The following THRB variants were observed in gnomAD, a reference collection of about 807,000 sequenced individuals.
THRB encodes the protein thyroid hormone receptor beta.
A neutral mutation model predicts 47.8 loss-of-function variants in THRB; 12 were observed. The observed-to-expected ratio is 0.25, with a 90% CI of 0.16 to 0.41. The LOEUF (loss-of-function observed/expected upper bound fraction) is 0.41, where lower values mean the gene tolerates loss of function less well. Ranked by LOEUF, THRB falls within the 10% of genes least tolerant of loss-of-function variation. The pLI is 1.00. For synonymous variants in THRB, 218 were observed against 212.2 expected, an observed-to-expected ratio of 1.03 and a Z score of -0.24; for missense variants, 348 against 589.2, an observed-to-expected ratio of 0.59 and a Z score of 4.24.
intron 1 of THRB, among the ~76,000 whole-genome samples, chr3:24,400,227 A>G (rs2067288021): frequency 6.6e-6 from 1 of 152,136 alleles, no homozygotes; most frequent in African/African-American, 2.4e-5. Context: ...ATACTGAGCT[A>G]GCCAAACACA....
chr3:24,288,754 T>G (rs1296632103), intron 3 of THRB, among the ~76,000 whole-genome samples: 1 of 152,148 alleles, frequency 6.6e-6, no homozygotes, highest in East Asian at 1.9e-4. Flanking sequence ...TGAAATCAAT[T>G]TAGTGGGTAG....
At chr3:24,262,087 G>A (rs2052112134) in intron 3 of THRB, among the ~76,000 whole-genome samples, 1 of 152,044 alleles carries the variant, frequency 6.6e-6, no homozygotes, top group Non-Finnish European at 1.5e-5. Context: ...ATATCTAATT[G>A]TCTACTTTAA....
chr3:24,218,225 G>A (rs1010755536), intron 4 of THRB, among the ~76,000 whole-genome samples: 4 of 151,036 alleles, frequency 2.6e-5, no homozygotes, highest in African/African-American at 4.9e-5. Flanking sequence ...CCGAGATTGC[G>A]CCACTGCACT....
chr3:24,478,666 G>A (rs557922894), intron 1 of THRB, among the ~76,000 whole-genome samples: 15 of 152,250 alleles, frequency 9.9e-5, no homozygotes, highest in Admixed American at 7.8e-4. Context: ...GTAATTTCTG[G>A]GTGGAGTAGA....
chr3:24,325,551 G>A (rs575642835), intron 2 of THRB, among the ~76,000 whole-genome samples: 1 of 152,320 alleles, frequency 6.6e-6, no homozygotes, highest in South Asian at 2.1e-4. Flanking sequence ...GCTGGGTGTG[G>A]TGGTGCCTGC....
At chr3:24,369,225 GA>G (rs2064725219) in intron 1 of THRB, among the ~76,000 whole-genome samples, 1 of 152,148 alleles carries the variant, frequency 6.6e-6, no homozygotes, top group African/African-American at 2.4e-5. Context: ...GGTGGAGACA[GA>G]GGGGGAAACT....
At chr3:24,271,260 G>A (rs977177489) in intron 3 of THRB, among the ~76,000 whole-genome samples, 1 of 152,144 alleles carries the variant, frequency 6.6e-6, no homozygotes, top group Non-Finnish European at 1.5e-5. Flanking sequence ...CTGTATGCAT[G>A]CGGCTTATGA....
At chr3:24,277,662 A>ATT (rs1432448588) in intron 3 of THRB, among the ~76,000 whole-genome samples, 10 of 152,326 alleles carry the variant, frequency 6.6e-5, no homozygotes, top group African/African-American at 2.4e-4. Context: ...CCAAAGTTAT[A>ATT]TTTATGTCAT....
chr3:24,123,207 G>C (rs1241104068), intron 10 of THRB, 82 bp from the exon 11 acceptor site: 14 of 1,597,136 alleles, frequency 8.8e-6, no homozygotes, highest in African/African-American at 5.4e-5. Context: ...GCCTTTATTG[G>C]GGGGCGGGCA....
At chr3:24,358,189 T>C (rs2063818927) in intron 1 of THRB, among the ~76,000 whole-genome samples, 1 of 152,180 alleles carries the variant, frequency 6.6e-6, no homozygotes, top group African/African-American at 2.4e-5. Flanking sequence ...TATATAGTAA[T>C]TAAATGAGCC....
intron 1 of THRB, among the ~76,000 whole-genome samples, chr3:24,376,526 A>T (rs954322156): frequency 1.3e-5 from 2 of 152,156 alleles, no homozygotes; most frequent in African/African-American, 4.8e-5. Flanking sequence ...ACCTACCCCA[A>T]ACAGCTATTC....
At chr3:24,181,852 A>C (rs906412002) in intron 5 of THRB, among the ~76,000 whole-genome samples, 3 of 152,150 alleles carry the variant, frequency 2.0e-5, no homozygotes, top group African/African-American at 7.2e-5. Flanking sequence ...CAATTCATCC[A>C]TTTGGAGAAG....
At chr3:24,220,801 AG>A (rs1267623106) in intron 4 of THRB, among the ~76,000 whole-genome samples, 3 of 110,216 alleles carry the variant, frequency 2.7e-5, no homozygotes, top group Admixed American at 9.2e-5. Context: ...GTTAAACAAA[AG>A]AAAAAAAAAA....
intron 2 of THRB, among the ~76,000 whole-genome samples, chr3:24,310,753 G>A (rs2057700833): frequency 6.6e-6 from 1 of 152,104 alleles, no homozygotes; most frequent in African/African-American, 2.4e-5. Context: ...TTCTCTATTG[G>A]CATCTAGTGG....
chr3:24,331,123 A>T (rs1040388930), intron 2 of THRB, among the ~76,000 whole-genome samples: 5 of 152,162 alleles, frequency 3.3e-5, no homozygotes, highest in Non-Finnish European at 7.4e-5. Context: ...GTCTTCTGAA[A>T]AATGGCATTA....
In THRB at chr3:24,185,307, G is replaced by A. The variant is rs536942895; in HGVS notation, c.283+4767C>T. 2.6e-5 allele frequency among the ~76,000 whole-genome samples: 4 copies of A among 152,276 alleles called. No individual in the cohort carries two copies. The East Asian group carries it at 5.8e-4, about 22-fold the overall frequency. On this transcript the variant is annotated intron_variant, in intron 5 of 10. Transcript: ENST00000646209. ...AAAGCTGGTTAAAATGGTATGCCTAGTATGATCCCAGGTTTATAAAAAATA... is the reference window on the plus strand; with the variant it reads ...AAAGCTGGTTAAAATGGTATGCCTAATATGATCCCAGGTTTATAAAAAATA...
rs115717036 is a variant in THRB, at chr3:24,300,030, G to A, written c.-188-2659C>T. Among the ~76,000 whole-genome samples, 385 of 151,954 alleles carry A rather than the reference G, an allele frequency of 2.5e-3. 2 individuals carry two copies. The highest frequency in any genetic ancestry group is 9.0e-3 in the African/African-American group (373 of 41,392). On this transcript the variant is annotated intron_variant, in intron 2 of 10. Transcript: ENST00000646209. ...CAGCAATGACTCTTCAAAAGCCACCGATTACATCTCTAGATCTGTCCAGCC... is the reference window on the plus strand; with the variant it reads ...CAGCAATGACTCTTCAAAAGCCACCAATTACATCTCTAGATCTGTCCAGCC...
chr3:24,132,652 G>A (rs1056074682), intron 9 of THRB, among the ~76,000 whole-genome samples: 2 of 152,218 alleles, frequency 1.3e-5, no homozygotes, highest in Non-Finnish European at 2.9e-5. Context: ...AAGTTCAAGT[G>A]TCCCAAAGGG....
chr3:24,322,221 A>G (rs1021506327), intron 2 of THRB, among the ~76,000 whole-genome samples: 4 of 152,212 alleles, frequency 2.6e-5, no homozygotes, highest in African/African-American at 7.2e-5. Context: ...ATACAGGTAT[A>G]CACTTCACTT....
Sources: gnomAD v4.1 joint callset for allele counts (sites outside exome capture counted in the v4.1 genomes callset) on GRCh38, gnomAD v4.1.1 for gene constraint, MANE v1.5 for transcripts, NCBI Gene and HGNC (gene_info 2026-07-23, HGNC 2026-07-21) for gene names.